The following FAM131C variants were observed in gnomAD, a reference collection of about 807,000 sequenced individuals.
FAM131C encodes protein FAM131C.
Under a neutral mutation model 29.8 loss-of-function variants are expected in FAM131C, and 14 were observed. The observed-to-expected ratio is 0.47, with a 90% CI of 0.31 to 0.73. The LOEUF is 0.73. Ranked by LOEUF, FAM131C falls within the 30% of genes least tolerant of loss-of-function variation. The pLI, the probability that FAM131C is intolerant of heterozygous loss-of-function variation, is 0.05. For synonymous variants in FAM131C, 86 were observed against 157.8 expected (o/e 0.54, Z 3.41); for missense variants, 252 against 383.8 (o/e 0.66, Z 2.87).
intron 6 of FAM131C, among the ~76,000 whole-genome samples, chr1:16,059,283 C>T (rs1290272226): frequency 4.6e-5 from 7 of 150,998 alleles, no homozygotes; most frequent in Admixed American, 6.7e-5. Flanking sequence ...GCTCGATTCC[C>T]GCCCCCACTG....
intron 1 of FAM131C, 40 bp downstream of exon 1, chr1:16,073,381 C>T: frequency 8.6e-7 from 1 of 1,156,110 alleles, no homozygotes; most frequent in Non-Finnish European, 1.1e-6. Flanking sequence ...GCGCGGGTCC[C>T]CGGCACCCGA....
In FAM131C at chr1:16,059,400, C is replaced by A. The variant is rs1259426587; in HGVS notation, c.562+94G>T. On this transcript the variant is annotated intron_variant, in intron 6 of 6. Coordinates refer to ENST00000375662, the MANE Select transcript of FAM131C (RefSeq NM_182623.3). ...AACTTAGGCTGAGAAAAGGAAGGGG[C>A]TTGGCCGAGGTCACACTGCCTTTGG... 3 of 1,513,804 alleles carry A rather than the reference C, an allele frequency of 2.0e-6. No homozygotes were observed. In the African/African-American group the frequency reaches 4.1e-5, roughly 21 times the overall value. 93.8% of individuals were successfully genotyped at this position (1,513,804 alleles called of 1,614,324 possible).
chr1:16,058,393 G>C lies in FAM131C; in HGVS notation c.*44C>G. ...GATATGCCTGGGCTGCCCACCAGGC[G>C]AGGTCATGGTGAGAGCAGGTGCTGG... On this transcript the variant is annotated 3_prime_UTR_variant, in exon 7 of 7. Coordinates refer to ENST00000375662, the MANE Select transcript of FAM131C (RefSeq NM_182623.3). 7.0e-7 allele frequency: 1 copy of C among 1,425,816 alleles called. No homozygotes were observed. The highest frequency in any genetic ancestry group is 9.2e-7 in the Non-Finnish European group (1 of 1,081,272). 88.3% of individuals were successfully genotyped at this position (1,425,816 alleles called of 1,614,324 possible).
chr1:16,068,612 C>T (rs2023711990), intron 1 of FAM131C, among the ~76,000 whole-genome samples: 1 of 152,200 alleles, frequency 6.6e-6, no homozygotes, highest in Non-Finnish European at 1.5e-5. Flanking sequence ...ACTGAGTGTC[C>T]CCTCCTCCCC....
At chr1:16,060,738 G>A (rs552689982) in intron 4 of FAM131C, among the ~76,000 whole-genome samples, 1 of 152,346 alleles carries the variant, frequency 6.6e-6, no homozygotes, top group Non-Finnish European at 1.5e-5. Context: ...GGACTGGGCG[G>A]CAGGAGAAGC....
intron 1 of FAM131C, among the ~76,000 whole-genome samples, chr1:16,067,485 T>C (rs1348843366): frequency 6.6e-6 from 1 of 152,122 alleles, no homozygotes; most frequent in African/African-American, 2.4e-5. Context: ...CAGAATTCCC[T>C]TCTCAGACCT....
chr1:16,072,624 T>C (rs74054910), intron 1 of FAM131C, among the ~76,000 whole-genome samples: 9,683 of 151,334 alleles, frequency 0.064, 508 homozygotes, highest in African/African-American at 0.15. Context: ...GGGGTGGAGG[T>C]AGGGGGCTCC....
At chr1:16,069,324 G>T (rs2023721192) in intron 1 of FAM131C, among the ~76,000 whole-genome samples, 1 of 152,176 alleles carries the variant, frequency 6.6e-6, no homozygotes, top group Admixed American at 6.5e-5. Context: ...GAAGGGCAAG[G>T]TCCCACCTAC....
intron 1 of FAM131C, among the ~76,000 whole-genome samples, chr1:16,069,977 C>T (rs2023731675): frequency 6.6e-6 from 1 of 152,122 alleles, no homozygotes; most frequent in Non-Finnish European, 1.5e-5. Flanking sequence ...GTTGCACAGG[C>T]TGGTCTTGAA....
At position 16,060,125 on chromosome 1, in the gene FAM131C, G is replaced by A. The variant is rs74054905; in HGVS notation, c.269-74C>T. ...GCAGGGCCTGGCCCCCATGCCTCAGGCCCACCCAGTGGCCTGTACCCCACA... is the reference window on the plus strand; with the variant it reads ...GCAGGGCCTGGCCCCCATGCCTCAGACCCACCCAGTGGCCTGTACCCCACA... On this transcript the variant is annotated intron_variant, in intron 4 of 6. Coordinates refer to ENST00000375662, the MANE Select transcript of FAM131C (RefSeq NM_182623.3). The A allele has an allele frequency of 0.01, 7,881 of 761,358 alleles. 419 individuals are homozygous for A. In the African/African-American group the frequency reaches 0.11, roughly 10 times the overall value. The allele number at this position is 761,358 out of a possible 1,614,324, so 47.2% of individuals were successfully genotyped here.
chr1:16,065,932 C>T (rs1335620791), intron 1 of FAM131C, among the ~76,000 whole-genome samples: 1 of 151,714 alleles, frequency 6.6e-6, no homozygotes, highest in African/African-American at 2.4e-5. Flanking sequence ...CAGAATCTCG[C>T]TCTGTCACCC....
chr1:16,065,896 G>T lies in FAM131C; in HGVS notation c.23-2260C>A, dbSNP rs573280128. Among the ~76,000 whole-genome samples, 12 of 138,246 alleles carry T rather than the reference G, an allele frequency of 8.7e-5. No individual in the cohort carries two copies. In the East Asian group the frequency reaches 2.3e-3, roughly 27 times the overall value. The allele number at this position is 138,246 out of a possible 152,430, so 90.7% of individuals were successfully genotyped here. On this transcript the variant is annotated intron_variant, in intron 1 of 6. Transcript: ENST00000375662. ...GCATTCAGTTGGAGGTGAGATTAAG[G>T]TTTTCTTTTCTTTTTTTTTTGGAGA...
At chr1:16,072,752 C>T (rs1389612845) in intron 1 of FAM131C, among the ~76,000 whole-genome samples, 1 of 152,048 alleles carries the variant, frequency 6.6e-6, no homozygotes, top group Non-Finnish European at 1.5e-5. Context: ...CCTCCACCTC[C>T]TTGGGTACCA....
chr1:16,067,135 C>G (rs1023673081), intron 1 of FAM131C, among the ~76,000 whole-genome samples: 11 of 152,262 alleles, frequency 7.2e-5, no homozygotes, highest in Non-Finnish European at 1.2e-4. Context: ...GCTCCCACCC[C>G]CTCCCCAGCC....
In FAM131C at chr1:16,058,710, C is replaced by G. The variant is rs1228584148; in HGVS notation, c.570G>C (p.Glu190Asp). The G allele has an allele frequency of 3.8e-6, 6 of 1,591,134 alleles. No individual in the cohort carries two copies. In the African/African-American group the frequency reaches 8.0e-5, roughly 21 times the overall value. Residue 190 changes from glutamate to aspartate, a missense_variant, in exon 7 of 7, where the codon GAG (glutamate) becomes GAC (aspartate). By Grantham distance (45) the Glu-to-Asp change is conservative. This residue lies in a region of FAM131C where 11 missense variants were observed against 76.8 expected (regional missense o/e 0.14). Transcript: ENST00000375662. ...GAAGGCTGTCCTGAAGGTAGATGCT[C>G]TCCAGATCTGGAAAAGCAAGGGGGT... ...PQGIVQLQDLESIYLQDSLPS... is the reference protein window; with the variant it reads ...PQGIVQLQDLDSIYLQDSLPS...
At chr1:16,072,207 C>T (rs1438761714) in intron 1 of FAM131C, among the ~76,000 whole-genome samples, 2 of 152,160 alleles carry the variant, frequency 1.3e-5, no homozygotes, top group Non-Finnish European at 2.9e-5. Context: ...AGTAAAGGAA[C>T]CCCACACAGC....
chr1:16,062,395 GCCCCA>G, intron 3 of FAM131C, 99 bp downstream of exon 3: 1 of 640,700 alleles, frequency 1.6e-6, no homozygotes, highest in Non-Finnish European at 2.1e-6. Flanking sequence ...CCCCCCCCCC[GCCCCA>G]GGGCCAGCAG....
At chr1:16,063,902 C>T (rs909307886) in intron 1 of FAM131C, among the ~76,000 whole-genome samples, 4 of 151,974 alleles carry the variant, frequency 2.6e-5, no homozygotes, top group African/African-American at 9.7e-5. Flanking sequence ...ATTTTGGCCT[C>T]GTGGAGATCT....
intron 1 of FAM131C, among the ~76,000 whole-genome samples, chr1:16,068,875 G>T (rs1209155373): frequency 1.3e-5 from 2 of 152,106 alleles, no homozygotes; most frequent in Admixed American, 6.5e-5. Flanking sequence ...GCCCAGATTG[G>T]CCTCTGCTGG....
Sources: allele counts gnomAD v4.1 joint callset (sites outside exome capture counted in the v4.1 genomes callset), GRCh38; gene constraint gnomAD v4.1.1; regional missense constraint gnomAD v4.1.1; transcripts MANE v1.5; gene names NCBI Gene and HGNC (gene_info 2026-07-23, HGNC 2026-07-21).